Variants in PLEKHA8 observed in about 807,000 individuals in gnomAD.
The protein encoded by PLEKHA8 is pleckstrin homology domain-containing family A member 8.
In PLEKHA8, 36 loss-of-function variants were observed where a neutral mutation model predicts 68.2. The ratio of observed to expected loss-of-function variants is 0.53; its 90% CI spans 0.40 to 0.70. PLEKHA8 has a LOEUF of 0.70. Ranked by LOEUF, PLEKHA8 falls within the 30% of genes least tolerant of loss-of-function variation. The pLI, the probability that PLEKHA8 is intolerant of heterozygous loss-of-function variation, is 0.00. For missense variants in PLEKHA8, 505 were observed against 615.4 expected (o/e 0.82, Z 1.90); for synonymous variants, 211 against 216.1 (o/e 0.98, Z 0.20).
chr7:30,114,702 G>A (rs1583483238), intron 13 of PLEKHA8, among the ~76,000 whole-genome samples: 1 of 152,086 alleles, frequency 6.6e-6, no homozygotes, highest in East Asian at 1.9e-4. Context: ...TTTAAAGAAG[G>A]CTGTTTTTCT....
intron 13 of PLEKHA8, among the ~76,000 whole-genome samples, chr7:30,099,371 T>C (rs1795760696): frequency 6.6e-6 from 1 of 152,200 alleles, no homozygotes; most frequent in African/African-American, 2.4e-5. Context: ...TAAGACATAC[T>C]CTTGAAAAAC....
rs557686702 is a variant in PLEKHA8, at chr7:30,081,492, C to G, written c.*2705C>G. The G allele has an allele frequency of 1.0e-6, 1 of 985,008 alleles. No homozygotes were observed. The highest frequency in any genetic ancestry group is 1.7e-5 in the African/African-American group (1 of 57,196). The allele number at this position is 985,008 out of a possible 1,614,324, so 61.0% of individuals were successfully genotyped here. On this transcript the variant is annotated 3_prime_UTR_variant, in exon 14 of 14. Transcript: ENST00000449726. ...CTGTTTTAGTTAAAGTCATAATTTG[C>G]GCTGATGTGTAATCACTTTCCAAGA...
chr7:30,065,362 A>C (rs1793762280), intron 12 of PLEKHA8, among the ~76,000 whole-genome samples: 1 of 152,164 alleles, frequency 6.6e-6, no homozygotes, highest in South Asian at 2.1e-4. Context: ...GCTTAGTATG[A>C]GGAGATAAAG....
chr7:30,077,840 G>T (rs1794703308), intron 13 of PLEKHA8, among the ~76,000 whole-genome samples: 1 of 152,138 alleles, frequency 6.6e-6, no homozygotes, highest in Non-Finnish European at 1.5e-5. Context: ...GGAAATATTG[G>T]CCCGCAAAGG....
At chr7:30,095,956 C>T (rs531626961) in intron 13 of PLEKHA8, among the ~76,000 whole-genome samples, 8 of 152,178 alleles carry the variant, frequency 5.3e-5, no homozygotes, top group African/African-American at 1.2e-4. Context: ...AGTCAGGTAG[C>T]GTGATGCCTC....
chr7:30,103,702 C>A (rs1795954295), intron 13 of PLEKHA8, among the ~76,000 whole-genome samples: 1 of 152,218 alleles, frequency 6.6e-6, no homozygotes, highest in Non-Finnish European at 1.5e-5. Context: ...GCTAGAACAA[C>A]TGCTTATCTC....
intron 13 of PLEKHA8, among the ~76,000 whole-genome samples, chr7:30,104,269 T>G (rs1583472437): frequency 6.6e-6 from 1 of 152,226 alleles, no homozygotes; most frequent in East Asian, 1.9e-4. Context: ...ACTTTGGAAA[T>G]TGATCTGGTA....
At position 30,043,281 on chromosome 7, in the gene PLEKHA8, AGCCACCGTGCCCT is replaced by A. The variant is rs556012675; in HGVS notation, c.41-1799_41-1787del. ...CAAAGTAGTTAATATTATAGCTGTGAGCCACCGTGCCCTGCCAGCATCACCTTCTGAAATAAAA... is the reference window on the plus strand; with the variant it reads ...CAAAGTAGTTAATATTATAGCTGTGAGCCAGCATCACCTTCTGAAATAAAA... On this transcript the variant is annotated intron_variant, in intron 1 of 13. Coordinates refer to ENST00000449726, the MANE Select transcript of PLEKHA8 (RefSeq NM_001197026.2). Among the ~76,000 whole-genome samples the A allele has an allele frequency of 7.8e-3, 1,192 of 152,194 alleles. 8 individuals are homozygous for A. The highest frequency in any genetic ancestry group is 0.014 in the Middle Eastern group (4 of 294).
chr7:30,111,029 C>G (rs184178478), intron 13 of PLEKHA8, among the ~76,000 whole-genome samples: 2 of 151,826 alleles, frequency 1.3e-5, no homozygotes, highest in African/African-American at 4.8e-5. Context: ...CTCAGCCCCC[C>G]GAGTAGCTGG....
intron 1 of PLEKHA8, among the ~76,000 whole-genome samples, chr7:30,032,389 A>G (rs1003587180): frequency 6.6e-6 from 1 of 152,236 alleles, no homozygotes; most frequent in African/African-American, 2.4e-5. Flanking sequence ...AACTGTTAAA[A>G]ATTTATTAGT....
chr7:30,060,001 A>G (rs1189651019), intron 9 of PLEKHA8, among the ~76,000 whole-genome samples: 1 of 150,946 alleles, frequency 6.6e-6, no homozygotes, highest in East Asian at 2.0e-4. Context: ...GGCCAACGTG[A>G]TGGCACATGC....
chr7:30,091,515 T>A (rs988075672), downstream of PLEKHA8, among the ~76,000 whole-genome samples: 1 of 152,174 alleles, frequency 6.6e-6, no homozygotes, highest in African/African-American at 2.4e-5. Context: ...TAAGCTGCTA[T>A]TCCTTTACCC....
At position 30,062,573 on chromosome 7, in the gene PLEKHA8, A is replaced by G. The variant is rs1793524097; in HGVS notation, c.1230-99A>G. On this transcript the variant is annotated intron_variant, in intron 11 of 13. Transcript: ENST00000449726. ...TTTGACCTATTCACTGCTGTGCCTA[A>G]GATGTTACTGAAATGGAAGCTGATG... The G allele has an allele frequency of 1.7e-5, 14 of 832,346 alleles. No individual in the cohort carries two copies. The South Asian group carries it at 1.9e-4, about 11-fold the overall frequency. The allele number at this position is 832,346 out of a possible 1,614,324, so 51.6% of individuals were successfully genotyped here.
chr7:30,072,408 T>G (rs1460365762), intron 12 of PLEKHA8, among the ~76,000 whole-genome samples: 2 of 152,270 alleles, frequency 1.3e-5, no homozygotes, highest in African/African-American at 4.8e-5. Context: ...AAATAGGATA[T>G]TCTAAAAGTA....
intron 1 of PLEKHA8, among the ~76,000 whole-genome samples, chr7:30,035,810 A>G (rs760818653): frequency 6.7e-6 from 1 of 150,210 alleles, no homozygotes; most frequent in Non-Finnish European, 1.5e-5. Flanking sequence ...AGCCCGGCTG[A>G]TTTTTTTTTG....
chr7:30,082,617 A>C lies in PLEKHA8; in HGVS notation c.*3830A>C, dbSNP rs1259718685. ...ATTACTTTCCAAATATATTAACAAA[A>C]AGTTGATGCTTTTAACTTTATATTT... On this transcript the variant is annotated 3_prime_UTR_variant, in exon 14 of 14. Transcript: ENST00000449726. 2 of 984,974 alleles carry C rather than the reference A, an allele frequency of 2.0e-6. No homozygotes were observed. Among genetic ancestry groups the C allele is most frequent in the Non-Finnish European group, 2.4e-6 (2 of 829,618 alleles). 61.0% of individuals were successfully genotyped at this position (984,974 alleles called of 1,614,324 possible).
intron 13 of PLEKHA8, among the ~76,000 whole-genome samples, chr7:30,103,634 T>G (rs1035712485): frequency 1.3e-5 from 2 of 152,226 alleles, no homozygotes; most frequent in African/African-American, 4.8e-5. Flanking sequence ...TCAGTTGATT[T>G]TTGATCAAGA....
At chr7:30,053,427 T>G (rs1174234747) in intron 7 of PLEKHA8, among the ~76,000 whole-genome samples, 1 of 152,212 alleles carries the variant, frequency 6.6e-6, no homozygotes, top group Non-Finnish European at 1.5e-5. Flanking sequence ...TTATAAGAAC[T>G]TAATAATTTG....
At chr7:30,028,922 G>C (rs1211659910) in intron 1 of PLEKHA8, 120 bp downstream of exon 1, 1 of 1,091,586 alleles carries the variant, frequency 9.2e-7, no homozygotes, top group East Asian at 3.2e-5. Context: ...AGGCCAGCGC[G>C]GAGCGGGAGT....
Sources: allele counts gnomAD v4.1 joint callset (sites outside exome capture counted in the v4.1 genomes callset), GRCh38; gene constraint gnomAD v4.1.1; transcripts MANE v1.5; gene names NCBI Gene and HGNC (gene_info 2026-07-23, HGNC 2026-07-21).